The following BCR variants were observed in gnomAD, a reference collection of about 807,000 sequenced individuals.
BCR encodes the protein BCR activator of RhoGEF and GTPase.
BCR carries 58 observed loss-of-function variants against 138.6 expected under a neutral mutation model. The ratio of observed to expected loss-of-function variants is 0.42; its 90% CI spans 0.34 to 0.52. BCR has a LOEUF of 0.52. Among genes scored for constraint, BCR ranks in the 20% least tolerant of loss-of-function variants. The pLI is 0.06. For synonymous variants in BCR, 786 were observed against 730.1 expected (o/e 1.08, Z -1.23); for missense variants, 1,599 against 1,727.2 (o/e 0.93, Z 1.32).
In BCR at chr22:23,181,025, G is replaced by A. The variant is rs376532812; in HGVS notation, c.65G>A (p.Arg22His). 2 of 1,499,844 alleles carry A rather than the reference G, an allele frequency of 1.3e-6. No individual in the cohort carries two copies. Among genetic ancestry groups the A allele is most frequent in the East Asian group, 2.7e-5 (1 of 37,332 alleles). The allele number at this position is 1,499,844 out of a possible 1,614,324, so 92.9% of individuals were successfully genotyped here. The change falls in exon 1 of 23, where the codon CGC becomes CAC. Residue 22 changes from arginine to histidine, a missense_variant. Arg to His is a conservative substitution (Grantham distance 29). This residue lies in a region of BCR where 806 missense variants were observed against 635.0 expected (regional missense o/e 1.27). Transcript: ENST00000305877. Reference protein sequence around the residue: ...KAQFPDSEPPRMELRSVGDIE... With the variant: ...KAQFPDSEPPHMELRSVGDIE... ...CAGTTCCCGGACTCAGAGCCCCCGC[G>A]CATGGAGCTGCGCTCAGTGGGCGAC...
In BCR at chr22:23,271,565, G is replaced by A. The variant is rs2073509528; in HGVS notation, c.1894G>A (p.Asp632Asn). 6.2e-7 allele frequency: 1 copy of A among 1,613,982 alleles called. No individual in the cohort carries two copies. The highest frequency in any genetic ancestry group is 8.5e-7 in the Non-Finnish European group (1 of 1,180,048). Reference protein sequence around the residue: ...LRARSNKDAKDPTTKNSLETL... With the variant: ...LRARSNKDAKNPTTKNSLETL... ...AGCCAGAAGCAACAAAGATGCCAAGGATCCAACGACCAAGAACTCTCTGGA... is the reference window on the plus strand; with the variant it reads ...AGCCAGAAGCAACAAAGATGCCAAGAATCCAACGACCAAGAACTCTCTGGA... Residue 632 changes from aspartate to asparagine, a missense_variant, in exon 6 of 23, where the codon GAT becomes AAT. Asp to Asn is a conservative substitution (Grantham distance 23, BLOSUM62 1). This residue lies in a region of BCR where 590 missense variants were observed against 762.4 expected (regional missense o/e 0.77). Transcript: ENST00000305877.
chr22:23,248,859 G>C (rs2073187774), intron 1 of BCR, among the ~76,000 whole-genome samples: 1 of 152,194 alleles, frequency 6.6e-6, no homozygotes, highest in Non-Finnish European at 1.5e-5. Flanking sequence ...TCCTGCCAAG[G>C]GTGAGGCGGC....
At chr22:23,253,724 G>A in intron 1 of BCR, 75 bp from the exon 2 acceptor site, 1 of 1,522,718 alleles carries the variant, frequency 6.6e-7, no homozygotes, top group Non-Finnish European at 8.9e-7. Flanking sequence ...TGTCAGCTGG[G>A]TGCTTGCTGG....
intron 13 of BCR, chr22:23,290,004 A>C (rs13340074): frequency 0.024 from 12,168 of 504,702 alleles, 1,210 homozygotes; most frequent in African/African-American, 0.21. Flanking sequence ...TGTTGCACAT[A>C]TGCTCAGTCA....
chr22:23,282,514 G>C (rs891730854), intron 8 of BCR, among the ~76,000 whole-genome samples: 1 of 152,258 alleles, frequency 6.6e-6, no homozygotes, highest in Non-Finnish European at 1.5e-5. Context: ...GAGTGTCGGA[G>C]GACTGGCCCA....
At chr22:23,264,015 G>A (rs533656797) in intron 4 of BCR, 12 of 902,324 alleles carry the variant, frequency 1.3e-5, no homozygotes, top group East Asian at 1.2e-4. Context: ...GGTGCTGGAT[G>A]TCATATATGA....
chr22:23,202,529 C>T (rs1382413833), intron 1 of BCR, among the ~76,000 whole-genome samples: 2 of 152,270 alleles, frequency 1.3e-5, no homozygotes, highest in African/African-American at 2.4e-5. Flanking sequence ...TCTTCCCCCA[C>T]GCCCAGTCCC....
At chr22:23,290,657 C>T in intron 14 of BCR, 1 of 519,826 alleles carries the variant, frequency 1.9e-6, no homozygotes, top group Non-Finnish European at 3.5e-6. Flanking sequence ...GGTGAGCTGC[C>T]CCCTGCAGGT....
chr22:23,311,477 G>A (rs2074007041), intron 18 of BCR, among the ~76,000 whole-genome samples: 1 of 151,982 alleles, frequency 6.6e-6, no homozygotes. Flanking sequence ...ATTCGCAGGG[G>A]TTCTGGCCGC....
intron 1 of BCR, among the ~76,000 whole-genome samples, chr22:23,232,626 A>G (rs1232123747): frequency 6.6e-6 from 1 of 152,232 alleles, no homozygotes; most frequent in Non-Finnish European, 1.5e-5. Flanking sequence ...TTGCAGATCC[A>G]GGTTCTGGCC....
chr22:23,275,243 G>A (rs1255465767), intron 8 of BCR, among the ~76,000 whole-genome samples: 3 of 152,230 alleles, frequency 2.0e-5, no homozygotes, highest in East Asian at 3.9e-4. Flanking sequence ...CTTCCATTCC[G>A]CTCTCCGGCT....
At chr22:23,313,092 A>G in intron 20 of BCR, 71 bp downstream of exon 20, 1 of 1,521,374 alleles carries the variant, frequency 6.6e-7, no homozygotes. Flanking sequence ...GGAGGCTGTG[A>G]AAAGTGAGGT....
chr22:23,218,196 A>G (rs959079068), intron 1 of BCR, among the ~76,000 whole-genome samples: 2 of 152,198 alleles, frequency 1.3e-5, no homozygotes, highest in African/African-American at 2.4e-5. Flanking sequence ...AGGCCCTGCC[A>G]GTGCCCTGGC....
intron 1 of BCR, among the ~76,000 whole-genome samples, chr22:23,214,644 G>T (rs2146223917): frequency 6.6e-6 from 1 of 152,336 alleles, no homozygotes; most frequent in East Asian, 1.9e-4. Flanking sequence ...TCCCTGTGTT[G>T]TCCATGTCTT....
intron 1 of BCR, among the ~76,000 whole-genome samples, chr22:23,249,934 G>A (rs534420345): frequency 2.0e-5 from 3 of 152,334 alleles, no homozygotes; most frequent in East Asian, 1.9e-4. Flanking sequence ...AACGGCTGGG[G>A]TTTCAGCCAC....
At chr22:23,264,507 C>T in intron 4 of BCR, 2 of 551,312 alleles carry the variant, frequency 3.6e-6, no homozygotes, top group East Asian at 3.0e-5. Flanking sequence ...GCAGTAGAGG[C>T]TTCTGACTCC....
intron 1 of BCR, among the ~76,000 whole-genome samples, chr22:23,211,266 C>A (rs924780195): frequency 7.7e-4 from 115 of 149,730 alleles, no homozygotes; most frequent in African/African-American, 2.6e-3. Context: ...GGCGCGATCT[C>A]GGCTCACTGC....
At chr22:23,314,483 A>G (rs1246224443) in intron 21 of BCR, 69 bp from the exon 22 acceptor site, 8 of 1,570,466 alleles carry the variant, frequency 5.1e-6, no homozygotes, top group South Asian at 2.3e-5. Context: ...ACTCCAGCAC[A>G]GCCCAGCCCC....
intron 9 of BCR, 30 bp downstream of exon 9, chr22:23,284,128 A>C: frequency 1.2e-6 from 2 of 1,611,012 alleles, no homozygotes; most frequent in Non-Finnish European, 1.7e-6. Context: ...CTGTCCCAGC[A>C]GTGACCCCAC....
Sources: gnomAD v4.1 joint callset for allele counts (sites outside exome capture counted in the v4.1 genomes callset) on GRCh38, gnomAD v4.1.1 for gene constraint, gnomAD v4.1.1 regional missense constraint, MANE v1.5 for transcripts, NCBI Gene and HGNC (gene_info 2026-07-23, HGNC 2026-07-21) for gene names.